GAS7: variants seen among roughly 807,000 people sequenced by gnomAD.
GAS7 encodes the protein growth arrest-specific protein 7.
A neutral mutation model predicts 71.1 loss-of-function variants in GAS7; 28 were observed. The ratio of observed to expected loss-of-function variants is 0.39; its 90% CI spans 0.29 to 0.54. GAS7 has a LOEUF of 0.54. Among genes scored for constraint, GAS7 ranks in the 20% least tolerant of loss-of-function variants. The pLI, the probability that GAS7 is intolerant of heterozygous loss-of-function variation, is 0.62. For synonymous variants in GAS7, 258 were observed against 245.8 expected (o/e 1.05, Z -0.46); for missense variants, 436 against 627.8 (o/e 0.69, Z 3.27).
intron 1 of GAS7, among the ~76,000 whole-genome samples, chr17:10,053,314 G>A (rs1431872481): frequency 1.3e-5 from 2 of 152,286 alleles, no homozygotes; most frequent in African/African-American, 4.8e-5. Context: ...TGGCTCACGT[G>A]CACTGCCCAC....
chr17:9,991,707 G>A (rs1027229197), intron 2 of GAS7, among the ~76,000 whole-genome samples: 2 of 152,012 alleles, frequency 1.3e-5, no homozygotes, highest in Admixed American at 6.6e-5. Flanking sequence ...CAAACACACC[G>A]GGAATCTGTG....
At position 10,052,590 on chromosome 17, in the gene GAS7, C is replaced by T. The variant is rs1597753128; in HGVS notation, c.184-32693G>A. Among the ~76,000 whole-genome samples, 3 of 152,328 alleles carry T rather than the reference C, an allele frequency of 2.0e-5. No individual in the cohort carries two copies. In the East Asian group the frequency reaches 5.8e-4, roughly 29 times the overall value. ...TTTCAGCTGGCAGAGCTGGGAGTCC[C>T]AGAAGGCACCCCCTGCCCACCCATG... is the stretch of plus-strand genomic sequence containing the variant. On this transcript the variant is annotated intron_variant, in intron 1 of 13. Coordinates refer to ENST00000432992, the MANE Select transcript of GAS7 (RefSeq NM_201433.2).
chr17:9,927,290 T>TACACACACACACACACAC (rs371084335), intron 9 of GAS7, among the ~76,000 whole-genome samples: 34 of 116,936 alleles, frequency 2.9e-4, no homozygotes, highest in Non-Finnish European at 3.8e-4. Flanking sequence ...CTCTACTACA[T>TACACACACACACACACAC]ACACACACAC....
At chr17:10,156,652 TAGGTAGGAGATGA>T (rs1407616058) in intron 1 of GAS7, among the ~76,000 whole-genome samples, 1 of 152,012 alleles carries the variant, frequency 6.6e-6, no homozygotes. Flanking sequence ...CTGAAAGTCA[TAGGTAGGAGATGA>T]AGGTTCATGA....
intron 8 of GAS7, among the ~76,000 whole-genome samples, chr17:9,936,541 C>T (rs1385226172): frequency 6.6e-6 from 1 of 152,166 alleles, no homozygotes; most frequent in Non-Finnish European, 1.5e-5. Context: ...AGTGGGAAGA[C>T]ATGTCTCCAG....
At chr17:10,094,571 CA>C (rs1466805240) in intron 1 of GAS7, among the ~76,000 whole-genome samples, 5 of 152,098 alleles carry the variant, frequency 3.3e-5, no homozygotes, top group Non-Finnish European at 7.4e-5. Context: ...TGGATTCAAG[CA>C]ATTCTCCTGC....
chr17:10,149,133 T>G (rs1296287552), intron 1 of GAS7, among the ~76,000 whole-genome samples: 1 of 152,186 alleles, frequency 6.6e-6, no homozygotes, highest in Non-Finnish European at 1.5e-5. Flanking sequence ...AACAGAGTCT[T>G]GCTCTATCAC....
chr17:10,040,086 G>A (rs2072834608), intron 1 of GAS7, among the ~76,000 whole-genome samples: 1 of 152,180 alleles, frequency 6.6e-6, no homozygotes, highest in Non-Finnish European at 1.5e-5. Context: ...ACCAGGCGCT[G>A]TTCTATGCTT....
intron 1 of GAS7, among the ~76,000 whole-genome samples, chr17:10,021,554 C>T (rs1325487757): frequency 6.6e-6 from 1 of 152,238 alleles, no homozygotes; most frequent in Admixed American, 6.5e-5. Flanking sequence ...GCCCTGGACG[C>T]TCCATCTCCT....
Position 9,951,691 on chromosome 17 carries a change from C to T in GAS7, c.526-4708G>A, listed in dbSNP as rs111557007. Among the ~76,000 whole-genome samples the T allele has an allele frequency of 2.9e-3, 386 of 132,010 alleles. 1 individual carries two copies. Among genetic ancestry groups the T allele is most frequent in the Non-Finnish European group, 4.8e-3 (304 of 63,724 alleles). 86.6% of individuals were successfully genotyped at this position (132,010 alleles called of 152,430 possible). Reference sequence around the variant, plus strand: ...AGAATCGCTTGAACCTGGGAGGTGGCGGTTGCGGTGAGCCAAGATTGCGCC... The same window carrying T: ...AGAATCGCTTGAACCTGGGAGGTGGTGGTTGCGGTGAGCCAAGATTGCGCC... On this transcript the variant is annotated intron_variant, in intron 5 of 13. Transcript: ENST00000432992.
intron 1 of GAS7, among the ~76,000 whole-genome samples, chr17:10,033,602 G>A (rs140682762): frequency 6.6e-6 from 1 of 152,212 alleles, no homozygotes; most frequent in South Asian, 2.1e-4. Context: ...AAGCACAAGC[G>A]ACACAGCTGC....
At chr17:10,181,647 T>C (rs540356235) in intron 1 of GAS7, among the ~76,000 whole-genome samples, 1 of 152,246 alleles carries the variant, frequency 6.6e-6, no homozygotes, top group South Asian at 2.1e-4. Context: ...TAAGGCATGG[T>C]ATATTGTAAA....
intron 1 of GAS7, among the ~76,000 whole-genome samples, chr17:10,151,694 A>C: frequency 6.6e-6 from 1 of 152,104 alleles, no homozygotes; most frequent in Non-Finnish European, 1.5e-5. Context: ...ACAGGTGTAC[A>C]CCACCATGCC....
chr17:10,154,913 TACACACACACACAC>T (rs57604032), intron 1 of GAS7, among the ~76,000 whole-genome samples: 42 of 142,026 alleles, frequency 3.0e-4, no homozygotes, highest in Admixed American at 6.4e-4. Context: ...AACCCCAGGC[TACACACACACACAC>T]ACACACACAC....
chr17:10,122,094 A>C lies in GAS7; in HGVS notation c.183+76114T>G, dbSNP rs1003993926. Reference sequence around the variant, plus strand: ...AATAGCATCAGCACCATCATCAACGAGATGTAAACAGAGGGAGGACACGAC... The same window carrying C: ...AATAGCATCAGCACCATCATCAACGCGATGTAAACAGAGGGAGGACACGAC... On this transcript the variant is annotated intron_variant, in intron 1 of 13. Transcript: ENST00000432992. Among the ~76,000 whole-genome samples, 46 of 152,120 alleles carry C rather than the reference A, an allele frequency of 3.0e-4. 1 individual carries two copies. Among genetic ancestry groups the C allele is most frequent in the African/African-American group, 8.4e-4 (35 of 41,428 alleles).
At chr17:10,156,817 C>T (rs539761861) in intron 1 of GAS7, among the ~76,000 whole-genome samples, 2 of 152,134 alleles carry the variant, frequency 1.3e-5, no homozygotes, top group East Asian at 1.9e-4. Context: ...CCTCTCTGGG[C>T]GTGCTTCCCC....
At chr17:10,045,407 C>G (rs1466564386) in intron 1 of GAS7, among the ~76,000 whole-genome samples, 1 of 152,024 alleles carries the variant, frequency 6.6e-6, no homozygotes, top group Non-Finnish European at 1.5e-5. Context: ...TAAAAGATTC[C>G]TAGTATTGGC....
intron 4 of GAS7, among the ~76,000 whole-genome samples, chr17:9,964,632 G>GT (rs1200869779): frequency 2.6e-5 from 4 of 152,130 alleles, no homozygotes; most frequent in African/African-American, 9.7e-5. Flanking sequence ...CTTAGAATAG[G>GT]TATCTTTTCT....
chr17:10,153,038 CAAAAAAA>C (rs397857973), intron 1 of GAS7, among the ~76,000 whole-genome samples: 40 of 75,978 alleles, frequency 5.3e-4, no homozygotes, highest in South Asian at 2.5e-3. Context: ...ACTAAAAATA[CAAAAAAA>C]AAAAAAAAAA....
Sources: allele counts gnomAD v4.1 joint callset (sites outside exome capture counted in the v4.1 genomes callset), GRCh38; gene constraint gnomAD v4.1.1; transcripts MANE v1.5; gene names NCBI Gene and HGNC (gene_info 2026-07-23, HGNC 2026-07-21).